The following PPP1R2 variants were observed in gnomAD, a reference collection of about 807,000 sequenced individuals.
PPP1R2 encodes protein phosphatase 1 regulatory inhibitor subunit 2.
PPP1R2 carries 16 observed loss-of-function variants against 29.9 expected under a neutral mutation model. The observed-to-expected ratio is 0.53, with a 90% CI of 0.36 to 0.81. The LOEUF is 0.81. Ranked by LOEUF, PPP1R2 falls within the 30% of genes least tolerant of loss-of-function variation. The probability of loss-of-function intolerance (pLI) is 0.00; values close to 1 mark genes in which losing one functional copy is unlikely to be tolerated. For missense variants in PPP1R2, 197 were observed against 252.7 expected, an observed-to-expected ratio of 0.78 and a Z score of 1.49; for synonymous variants, 76 against 91.5, an observed-to-expected ratio of 0.83 and a Z score of 0.96.
chr3:195,533,356 A>G (rs1180711120), intron 1 of PPP1R2, among the ~76,000 whole-genome samples: 1 of 152,024 alleles, frequency 6.6e-6, no homozygotes, highest in Admixed American at 6.6e-5. Flanking sequence ...GGAAAAAAAA[A>G]AAAAAAAGCT....
intron 1 of PPP1R2, among the ~76,000 whole-genome samples, chr3:195,537,718 A>C (rs1719449616): frequency 6.6e-6 from 1 of 152,146 alleles, no homozygotes; most frequent in African/African-American, 2.4e-5. Context: ...TTCTTCTGTA[A>C]ATGAAATTTT....
At position 195,529,838 on chromosome 3, in the gene PPP1R2, G is replaced by C; in HGVS notation, c.186C>G (p.Asp62Glu). The change falls in exon 2 of 6, where the codon GAC becomes GAG. Residue 62 changes from aspartate (D) to glutamate (E), a missense_variant. Physicochemically the swap from Asp to Glu is conservative, Grantham distance 45. Around this residue, in one of 3 missense-constraint regions of PPP1R2, gnomAD observed 8 missense variants for 29.2 expected, o/e 0.27. Coordinates refer to ENST00000618156, the MANE Select transcript of PPP1R2 (RefSeq NM_006241.8). ...GTTCATCTATTTTCATTAAACCATA[G>C]TCTTTGTCTGCTGGATGATACGTCG... ...ILATYHPADK[D>E]YGLMKIDEPS... The C allele has an allele frequency of 6.2e-7, 1 of 1,611,274 alleles. No homozygotes were observed. Among genetic ancestry groups the C allele is most frequent in the Non-Finnish European group, 8.5e-7 (1 of 1,179,488 alleles).
chr3:195,516,138 ATATT>A lies in PPP1R2; in HGVS notation c.*754_*757del, dbSNP rs1329434824. 6.6e-6 allele frequency: 1 copy of A among 152,578 alleles called. No individual in the cohort carries two copies. The highest frequency in any genetic ancestry group is 1.5e-5 in the Non-Finnish European group (1 of 67,978). 9.5% of individuals were successfully genotyped at this position (152,578 alleles called of 1,614,324 possible). ...GGAATGGCGAGATAGCTACATTAGAATATTTATTTTTTTAAAAAACTGCTCTGAA... is the reference window on the plus strand; with the variant it reads ...GGAATGGCGAGATAGCTACATTAGAATATTTTTTTAAAAAACTGCTCTGAA... On this transcript the variant is annotated 3_prime_UTR_variant, in exon 6 of 6. Transcript: ENST00000618156.
intron 2 of PPP1R2, among the ~76,000 whole-genome samples, chr3:195,527,597 T>A (rs1024278573): frequency 5.3e-5 from 8 of 152,214 alleles, no homozygotes; most frequent in Admixed American, 5.2e-4. Context: ...CTGATCTTAA[T>A]TCTCCTAGGA....
intron 1 of PPP1R2, among the ~76,000 whole-genome samples, chr3:195,537,967 G>A (rs1719457906): frequency 6.6e-6 from 1 of 152,236 alleles, no homozygotes; most frequent in African/African-American, 2.4e-5. Context: ...TCTCTAAAGT[G>A]ATGGCAGAAT....
chr3:195,516,264 T>C lies in PPP1R2; in HGVS notation c.*632A>G, dbSNP rs1379421405. ...AGACATTGGTGAAAGTTTAACCTGA[T>C]AATTTATTTGTGGGGAAAAAAGCTA... On this transcript the variant is annotated 3_prime_UTR_variant, in exon 6 of 6. Coordinates refer to ENST00000618156, the MANE Select transcript of PPP1R2 (RefSeq NM_006241.8). The C allele has an allele frequency of 1.3e-5, 2 of 152,608 alleles. No individual in the cohort carries two copies. The highest frequency in any genetic ancestry group is 2.9e-5 in the Non-Finnish European group (2 of 68,006). The allele number at this position is 152,608 out of a possible 1,614,324, so 9.5% of individuals were successfully genotyped here. A position where few individuals can be genotyped will look rare whatever the true frequency, so the allele number is the denominator to read the frequency against.
At chr3:195,532,215 C>CTTTTTTTTTTTTT (rs146508182) in intron 1 of PPP1R2, among the ~76,000 whole-genome samples, 21 of 120,144 alleles carry the variant, frequency 1.7e-4, no homozygotes, top group Non-Finnish European at 2.8e-4. Context: ...TTTTCTTTTT[C>CTTTTTTTTTTTTT]TTTTTTTTTT....
At chr3:195,539,469 G>C (rs964901284) in intron 1 of PPP1R2, among the ~76,000 whole-genome samples, 2 of 152,148 alleles carry the variant, frequency 1.3e-5, no homozygotes, top group Non-Finnish European at 2.9e-5. Context: ...TGTAATCCCA[G>C]CACTCTGGGA....
intron 1 of PPP1R2, among the ~76,000 whole-genome samples, chr3:195,537,175 T>C (rs922127537): frequency 1.4e-5 from 2 of 147,250 alleles, no homozygotes; most frequent in Middle Eastern, 3.6e-3. Context: ...TATGCTGATA[T>C]ATAAGTTTTA....
chr3:195,535,303 G>A (rs1008843044), intron 1 of PPP1R2, among the ~76,000 whole-genome samples: 2 of 152,182 alleles, frequency 1.3e-5, no homozygotes, highest in African/African-American at 2.4e-5. Context: ...GTGGCCTGGG[G>A]TGTGGGGATC....
chr3:195,536,153 C>T (rs938388194), intron 1 of PPP1R2, among the ~76,000 whole-genome samples: 10 of 152,198 alleles, frequency 6.6e-5, no homozygotes, highest in African/African-American at 2.2e-4. Flanking sequence ...CAACAGGAGG[C>T]TACCAGTAGT....
At chr3:195,537,481 T>TTTTTTGTGTGTGTGTGTGTGTG (rs150119072) in intron 1 of PPP1R2, among the ~76,000 whole-genome samples, 65 of 128,574 alleles carry the variant, frequency 5.1e-4, no homozygotes, top group African/African-American at 1.1e-3. Context: ...GGATTAGCTA[T>TTTTTTGTGTGTGTGTGTGTGTG]TGTGTGTGTG....
At chr3:195,519,550 T>TAC (rs1040826220) in intron 4 of PPP1R2, 1 of 160,576 alleles carries the variant, frequency 6.2e-6, no homozygotes. Flanking sequence ...GCCTGTCACA[T>TAC]ACACACACAG....
chr3:195,523,495 A>G (rs1009383208), intron 4 of PPP1R2, among the ~76,000 whole-genome samples, 197 bp downstream of exon 4: 1 of 152,246 alleles, frequency 6.6e-6, no homozygotes, highest in Non-Finnish European at 1.5e-5. Context: ...ATACTTCCCC[A>G]TATTCTTGAA....
intron 5 of PPP1R2, among the ~76,000 whole-genome samples, chr3:195,517,503 A>G (rs537650774): frequency 1.3e-5 from 2 of 152,310 alleles, no homozygotes; most frequent in East Asian, 3.9e-4. Flanking sequence ...TAAGCAGGAT[A>G]TACTCCTTTG....
intron 1 of PPP1R2, among the ~76,000 whole-genome samples, chr3:195,535,086 G>T (rs1310222175): frequency 6.6e-6 from 1 of 152,160 alleles, no homozygotes; most frequent in South Asian, 2.1e-4. Flanking sequence ...GAGCGGTTTC[G>T]GGAAAGACAA....
At chr3:195,534,699 T>TA (rs147539501) in intron 1 of PPP1R2, among the ~76,000 whole-genome samples, 29 of 148,702 alleles carry the variant, frequency 2.0e-4, no homozygotes, top group Admixed American at 7.4e-4. Flanking sequence ...GAACTGCTTT[T>TA]AAAAAAAAAA....
chr3:195,542,779 G>A, intron 1 of PPP1R2, 125 bp downstream of exon 1: 1 of 1,181,168 alleles, frequency 8.5e-7, no homozygotes, highest in Non-Finnish European at 1.1e-6. Flanking sequence ...CGGCTAGCCG[G>A]GCAGGAGAAG....
At chr3:195,532,215 CTTTTTTTTT>C (rs146508182) in intron 1 of PPP1R2, among the ~76,000 whole-genome samples, 1 of 120,182 alleles carries the variant, frequency 8.3e-6, no homozygotes, top group East Asian at 2.5e-4. Context: ...TTTTCTTTTT[CTTTTTTTTT>C]TTTTTTTTTT....
Sources: gnomAD v4.1 joint callset for allele counts (sites outside exome capture counted in the v4.1 genomes callset) on GRCh38, gnomAD v4.1.1 for gene constraint, gnomAD v4.1.1 regional missense constraint, MANE v1.5 for transcripts, NCBI Gene and HGNC (gene_info 2026-07-23, HGNC 2026-07-21) for gene names.